Variants in CFAP210 observed in about 807,000 individuals in gnomAD.
CFAP210 encodes cilia and flagella associated protein 210.
the CFAP210 span, among the ~76,000 whole-genome samples, chr2:169,680,700 A>G: frequency 6.6e-6 from 1 of 152,212 alleles, no homozygotes; most frequent in African/African-American, 2.4e-5. Context: ...CCAGAAGAGG[A>G]GCAGGGAGAA....
the CFAP210 span, among the ~76,000 whole-genome samples, chr2:169,663,142 C>A: frequency 1.3e-5 from 2 of 152,192 alleles, no homozygotes; most frequent in South Asian, 2.1e-4. Flanking sequence ...CTTCATCCAG[C>A]AGCCAAACCT....
At chr2:169,648,563 T>C in the CFAP210 span, among the ~76,000 whole-genome samples, 4 of 152,218 alleles carry the variant, frequency 2.6e-5, no homozygotes, top group Admixed American at 6.5e-5. Flanking sequence ...AAAGAAGGTA[T>C]GCAGATGGCT....
At chr2:169,649,757 C>T in the CFAP210 span, among the ~76,000 whole-genome samples, 4 of 152,106 alleles carry the variant, frequency 2.6e-5, no homozygotes, top group African/African-American at 7.2e-5. Context: ...CATGGAGAAA[C>T]GCTGTCTCTA....
the CFAP210 span, among the ~76,000 whole-genome samples, chr2:169,680,798 T>C: frequency 4.6e-5 from 7 of 152,238 alleles, no homozygotes; most frequent in Non-Finnish European, 7.3e-5. Context: ...TTGGGGTTTA[T>C]ACATATGTCA....
chr2:169,662,978 CAGA>C, the CFAP210 span, among the ~76,000 whole-genome samples: 1 of 152,352 alleles, frequency 6.6e-6, no homozygotes, highest in South Asian at 2.1e-4. Flanking sequence ...GTGAGTTCCT[CAGA>C]GATCCCTGAG....
the CFAP210 span, among the ~76,000 whole-genome samples, chr2:169,692,785 G>C: frequency 5.9e-4 from 90 of 152,272 alleles, 2 homozygotes; most frequent in East Asian, 0.014. Context: ...CAAACATGTC[G>C]AATAATAACA....
At chr2:169,648,218 A>G in the CFAP210 span, 1 of 217,700 alleles carries the variant, frequency 4.6e-6, no homozygotes, top group Admixed American at 5.5e-5. Flanking sequence ...AAGGACAAAT[A>G]TTGTCTGATT....
At chr2:169,694,365 G>C in the CFAP210 span, 46 of 1,602,916 alleles carry the variant, frequency 2.9e-5, no homozygotes, top group Middle Eastern at 1.7e-4. Context: ...GTGGCGCCAA[G>C]CGCCGCGGAC....
the CFAP210 span, among the ~76,000 whole-genome samples, chr2:169,669,096 A>T: frequency 6.6e-6 from 1 of 152,220 alleles, no homozygotes; most frequent in Admixed American, 6.5e-5. Flanking sequence ...GTAATAATTG[A>T]GGTACTTAGA....
At chr2:169,675,166 T>C in the CFAP210 span, 180 of 732,268 alleles carry the variant, frequency 2.5e-4, no homozygotes, top group African/African-American at 3.7e-3. Context: ...TATTAATAAA[T>C]AAAATGAGGC....
At chr2:169,691,098 CT>C in the CFAP210 span, among the ~76,000 whole-genome samples, 1 of 152,060 alleles carries the variant, frequency 6.6e-6, no homozygotes, top group Non-Finnish European at 1.5e-5. Flanking sequence ...ATTCTTTTAT[CT>C]TTTTTTCTTT....
At chr2:169,683,268 T>C in the CFAP210 span, among the ~76,000 whole-genome samples, 1 of 152,316 alleles carries the variant, frequency 6.6e-6, no homozygotes, top group Admixed American at 6.5e-5. Context: ...CATGACTCTT[T>C]AGTTGCAAAT....
At chr2:169,672,853 C>T in the CFAP210 span, among the ~76,000 whole-genome samples, 1 of 152,276 alleles carries the variant, frequency 6.6e-6, no homozygotes, top group South Asian at 2.1e-4. Flanking sequence ...ATCTAGGCAT[C>T]CTTCAATCCC....
At chr2:169,694,351 G>T in the CFAP210 span, 2 of 1,611,980 alleles carry the variant, frequency 1.2e-6, no homozygotes, top group African/African-American at 1.3e-5. Context: ...CTGGAAAAGT[G>T]ACTGTGGCGC....
the CFAP210 span, among the ~76,000 whole-genome samples, chr2:169,682,476 C>T: frequency 6.9e-6 from 1 of 144,624 alleles, no homozygotes; most frequent in African/African-American, 2.6e-5. Context: ...CTGTTGTTGC[C>T]ATTTTCTATA....
the CFAP210 span, among the ~76,000 whole-genome samples, chr2:169,687,329 G>C: frequency 1.3e-5 from 2 of 152,074 alleles, no homozygotes; most frequent in African/African-American, 4.8e-5. Context: ...AAAGTCCATA[G>C]TCCAAAGTCT....
At chr2:169,677,214 C>T in the CFAP210 span, among the ~76,000 whole-genome samples, 4 of 152,096 alleles carry the variant, frequency 2.6e-5, no homozygotes, top group African/African-American at 7.2e-5. Context: ...CGCAACCCTG[C>T]GTCATAACAA....
chr2:169,669,707 G>A, the CFAP210 span, among the ~76,000 whole-genome samples: 6 of 151,576 alleles, frequency 4.0e-5, no homozygotes, highest in Non-Finnish European at 7.4e-5. Flanking sequence ...TGGAGGAGGC[G>A]GAGCTTGCAG....
chr2:169,661,143 A>G, the CFAP210 span: 3 of 570,740 alleles, frequency 5.3e-6, no homozygotes, highest in South Asian at 4.1e-5. Context: ...ACAATTCATA[A>G]AATTTCTTTA....
Sources: gnomAD v4.1 joint callset for allele counts (sites outside exome capture counted in the v4.1 genomes callset) on GRCh38, gnomAD v4.1.1 for gene constraint, MANE v1.5 for transcripts, NCBI Gene and HGNC (gene_info 2026-07-23, HGNC 2026-07-21) for gene names.